The following SMG6 variants were observed in gnomAD, a reference collection of about 807,000 sequenced individuals.
SMG6 encodes the protein telomerase-binding protein EST1A.
Under a neutral mutation model 142.2 loss-of-function variants are expected in SMG6, and 66 were observed. That is an observed-to-expected ratio of 0.46 (90% CI 0.38 to 0.57). SMG6 has a LOEUF of 0.57. Ranked by LOEUF, SMG6 falls within the 20% of genes least tolerant of loss-of-function variation. SMG6 has a pLI of 0.00. For synonymous variants in SMG6, 779 were observed against 702.4 expected, an observed-to-expected ratio of 1.11 and a Z score of -1.72; for missense variants, 1,793 against 1,832.0, an observed-to-expected ratio of 0.98 and a Z score of 0.39.
intron 12 of SMG6, among the ~76,000 whole-genome samples, chr17:2,184,009 TACTC>T (rs1281283634): frequency 1.3e-5 from 2 of 152,056 alleles, no homozygotes; most frequent in East Asian, 3.8e-4. Context: ...CAGGAACACA[TACTC>T]ACAGACCCAG....
rs553449886 is a variant in SMG6 at position 2,298,786 on chromosome 17, G to A, written c.1847+120C>T. Reference sequence around the variant, plus strand: ...TTTCCAACTGCCCTTCCCTTACAACGTGAAAAGGAAATAATACCCAGTGGC... The same window carrying A: ...TTTCCAACTGCCCTTCCCTTACAACATGAAAAGGAAATAATACCCAGTGGC... On this transcript the variant is annotated intron_variant, in intron 2 of 18. Transcript: ENST00000263073. 7.9e-5 allele frequency: 68 copies of A among 864,004 alleles called. No individual in the cohort carries two copies. The African/African-American group carries it at 8.3e-4, about 11-fold the overall frequency. 53.5% of individuals were successfully genotyped at this position (864,004 alleles called of 1,614,324 possible).
At chr17:2,075,870 C>T (rs962389336) in intron 15 of SMG6, among the ~76,000 whole-genome samples, 4 of 152,326 alleles carry the variant, frequency 2.6e-5, no homozygotes, top group African/African-American at 4.8e-5. Flanking sequence ...CCTGCCTGGG[C>T]GCTGCAGCTC....
At chr17:2,286,916 T>C (rs750108631) in intron 6 of SMG6, among the ~76,000 whole-genome samples, 107 of 140,898 alleles carry the variant, frequency 7.6e-4, no homozygotes, top group African/African-American at 2.1e-3. Flanking sequence ...ACACAAAACA[T>C]AAAATAATTT....
intron 10 of SMG6, among the ~76,000 whole-genome samples, chr17:2,205,265 C>T (rs1011978353): frequency 6.6e-6 from 1 of 151,994 alleles, no homozygotes; most frequent in Non-Finnish European, 1.5e-5. Context: ...AATTGAGTTT[C>T]ACCATGTTGG....
Position 2,061,503 on chromosome 17 carries a change from G to A in SMG6, c.4249C>T (p.Gln1417Ter), listed in dbSNP as rs368411080. Residue 1417 changes from glutamine (Q) to a stop codon, truncating the protein, a stop_gained, in exon 19 of 19, where the codon CAG becomes TAG. Transcript: ENST00000263073. LOFTEE classifies it high-confidence loss of function. ...CCAGTGTGGCTCCCTCAGCCCACCT[G>A]GGCCCACGTGAGGAAGGCTGGGATG... ...RDIPAFLTWA[Q>*]VG 3 of 1,572,798 alleles carry A rather than the reference G, an allele frequency of 1.9e-6. No homozygotes were observed. Among genetic ancestry groups the A allele is most frequent in the Non-Finnish European group, 2.6e-6 (3 of 1,160,192 alleles).
In SMG6 at chr17:2,067,589, TCTA is replaced by T. The variant is rs555686033; in HGVS notation, c.3835+1186_3835+1188del. On this transcript the variant is annotated intron_variant, in intron 16 of 18. Coordinates refer to ENST00000263073, the MANE Select transcript of SMG6 (RefSeq NM_017575.5). ...GCCCTGCCTTGGTGACAGAAACTGT[TCTA>T]CTGTTGAAGAGCAGAAAGCCTTCCC... Among the ~76,000 whole-genome samples, 11 of 152,272 alleles carry T rather than the reference TCTA, an allele frequency of 7.2e-5. No homozygotes were observed. The South Asian group carries it at 2.3e-3, about 32-fold the overall frequency.
intron 13 of SMG6, among the ~76,000 whole-genome samples, chr17:2,106,084 A>G (rs2069147460): frequency 6.6e-6 from 1 of 152,214 alleles, no homozygotes; most frequent in Non-Finnish European, 1.5e-5. Context: ...AGAAGGTATG[A>G]AGGAGGAGAA....
chr17:2,278,808 T>C (rs2074717992), intron 8 of SMG6, among the ~76,000 whole-genome samples: 2 of 152,176 alleles, frequency 1.3e-5, no homozygotes, highest in Admixed American at 1.3e-4. Context: ...TTTTTAAACA[T>C]GACCAACACA....
At chr17:2,259,673 CAAAAAAAAAAA>C (rs11289865) in intron 8 of SMG6, among the ~76,000 whole-genome samples, 2 of 86,156 alleles carry the variant, frequency 2.3e-5, no homozygotes, top group South Asian at 4.0e-4. Flanking sequence ...ACCCTGTCTC[CAAAAAAAAAAA>C]AAAAAAAAAA....
chr17:2,139,128 A>G (rs1422507783), intron 13 of SMG6, among the ~76,000 whole-genome samples: 1 of 152,240 alleles, frequency 6.6e-6, no homozygotes, highest in Non-Finnish European at 1.5e-5. Context: ...ATACAGGTGA[A>G]GTCTGTTAAA....
chr17:2,294,365 AAAAAC>A (rs536440838), intron 4 of SMG6, among the ~76,000 whole-genome samples: 3 of 152,222 alleles, frequency 2.0e-5, no homozygotes, highest in South Asian at 4.1e-4. Flanking sequence ...GGTAAGAGAC[AAAAAC>A]AAAACAAAAC....
intron 13 of SMG6, among the ~76,000 whole-genome samples, chr17:2,124,513 T>TA (rs1173797534): frequency 6.6e-6 from 1 of 152,174 alleles, no homozygotes; most frequent in Non-Finnish European, 1.5e-5. Flanking sequence ...AGTGTTTATA[T>TA]AAAACCCCAC....
intron 9 of SMG6, 119 bp from the exon 10 acceptor site, chr17:2,236,756 A>C (rs2073673118): frequency 7.3e-7 from 1 of 1,361,296 alleles, no homozygotes; most frequent in African/African-American, 1.5e-5. Flanking sequence ...CACACACCAG[A>C]CAACTACTGC....
At chr17:2,200,738 C>G (rs1009171028) in intron 10 of SMG6, among the ~76,000 whole-genome samples, 7 of 152,120 alleles carry the variant, frequency 4.6e-5, no homozygotes, top group African/African-American at 1.7e-4. Context: ...GAGACAGGCT[C>G]TCGCTCTGTT....
At chr17:2,098,727 T>C (rs2068925369) in intron 13 of SMG6, among the ~76,000 whole-genome samples, 1 of 152,130 alleles carries the variant, frequency 6.6e-6, no homozygotes, top group African/African-American at 2.4e-5. Context: ...GCCTCCTGTG[T>C]TCAAGTGATT....
At chr17:2,123,646 A>G (rs2069774431) in intron 13 of SMG6, among the ~76,000 whole-genome samples, 1 of 152,172 alleles carries the variant, frequency 6.6e-6, no homozygotes, top group South Asian at 2.1e-4. Context: ...CTCATTCATA[A>G]GACTACTAAG....
intron 8 of SMG6, among the ~76,000 whole-genome samples, chr17:2,269,322 C>T (rs766742766): frequency 3.6e-4 from 55 of 151,084 alleles, no homozygotes; most frequent in Non-Finnish European, 4.1e-4. Context: ...ACCTGGGAGG[C>T]GAAGGTTGCA....
At chr17:2,146,884 A>G (rs1331997368) in intron 13 of SMG6, among the ~76,000 whole-genome samples, 1 of 152,122 alleles carries the variant, frequency 6.6e-6, no homozygotes, top group Non-Finnish European at 1.5e-5. Flanking sequence ...ATTTTTATAA[A>G]ATCTTTACAA....
chr17:2,222,150 C>A (rs28524880), intron 10 of SMG6, among the ~76,000 whole-genome samples: 54,935 of 151,734 alleles, frequency 0.36, 10,150 homozygotes, highest in Middle Eastern at 0.43. Context: ...GACCAGAGAC[C>A]CCTATAAGCA....
Sources: gnomAD v4.1 joint callset for allele counts (sites outside exome capture counted in the v4.1 genomes callset) on GRCh38, gnomAD v4.1.1 for gene constraint, MANE v1.5 for transcripts, NCBI Gene and HGNC (gene_info 2026-07-23, HGNC 2026-07-21) for gene names.